The following PSD3 variants were observed in gnomAD, a reference collection of about 807,000 sequenced individuals.
The protein encoded by PSD3 is PH and SEC7 domain-containing protein 3.
In PSD3, 49 loss-of-function variants were observed where a neutral mutation model predicts 105.5. The ratio of observed to expected loss-of-function variants is 0.46; its 90% CI spans 0.37 to 0.59. The LOEUF is 0.59. Ranked by LOEUF, PSD3 falls within the 20% of genes least tolerant of loss-of-function variation. The pLI is 0.00. For synonymous variants in PSD3, 557 were observed against 457.8 expected, an observed-to-expected ratio of 1.22 and a Z score of -2.77; for missense variants, 1,561 against 1,263.8, an observed-to-expected ratio of 1.24 and a Z score of -3.57.
intron 1 of PSD3, among the ~76,000 whole-genome samples, chr8:19,076,716 G>A (rs569750464): frequency 6.6e-6 from 1 of 152,278 alleles, no homozygotes; most frequent in Non-Finnish European, 1.5e-5. Flanking sequence ...AGCAAAATTT[G>A]TTTTTTAAAG....
At position 18,575,237 on chromosome 8, in the gene PSD3, C is replaced by G; in HGVS notation, c.2530G>C (p.Ala844Pro). The G allele has an allele frequency of 1.2e-6, 2 of 1,613,188 alleles. No homozygotes were observed. Among genetic ancestry groups the G allele is most frequent in the Non-Finnish European group, 8.5e-7 (1 of 1,179,498 alleles). The change falls in exon 13 of 16, where the codon GCT becomes CCT. Residue 844 changes from alanine (A) to proline (P), a missense_variant. Transcript: ENST00000327040. ...GCCAATGCGTGGTGCACACTCACAG[C>G]GTTTTTCAAGTCCTCTTCAGACAAG... ...KALSEEDLKN[A>P]VSVHHALASK...
chr8:18,867,300 C>T (rs1377254417), intron 4 of PSD3, among the ~76,000 whole-genome samples: 1 of 152,220 alleles, frequency 6.6e-6, no homozygotes, highest in Non-Finnish European at 1.5e-5. Flanking sequence ...AAACAATCTT[C>T]TTGAAGTCTT....
intron 10 of PSD3, among the ~76,000 whole-genome samples, chr8:18,635,460 A>C (rs1281188687): frequency 1.3e-5 from 2 of 151,954 alleles, no homozygotes; most frequent in Admixed American, 1.3e-4. Context: ...TAATGCAGCC[A>C]AAAAAAATCC....
chr8:18,706,255 GTTCT>G (rs1232342375), intron 9 of PSD3, among the ~76,000 whole-genome samples: 2 of 152,166 alleles, frequency 1.3e-5, no homozygotes, highest in Non-Finnish European at 2.9e-5. Flanking sequence ...AGATTTTAGG[GTTCT>G]TTGTTACTCA....
chr8:18,587,013 T>C (rs532654161), intron 12 of PSD3, among the ~76,000 whole-genome samples: 1 of 152,306 alleles, frequency 6.6e-6, no homozygotes, highest in Non-Finnish European at 1.5e-5. Flanking sequence ...AGTGAGCTTT[T>C]GTCAAACTGA....
At chr8:18,696,175 C>G (rs1801248151) in intron 9 of PSD3, among the ~76,000 whole-genome samples, 1 of 152,224 alleles carries the variant, frequency 6.6e-6, no homozygotes, top group Non-Finnish European at 1.5e-5. Flanking sequence ...CAAGGATTCA[C>G]AGAGGCCTTT....
chr8:18,695,955 G>T (rs1034703797), intron 9 of PSD3, among the ~76,000 whole-genome samples: 10 of 152,218 alleles, frequency 6.6e-5, no homozygotes, highest in Non-Finnish European at 1.3e-4. Flanking sequence ...CGGGGGGAAT[G>T]CACATTCCTG....
At chr8:18,593,695 C>T (rs930899164) in intron 12 of PSD3, among the ~76,000 whole-genome samples, 16 of 151,956 alleles carry the variant, frequency 1.1e-4, no homozygotes, top group Non-Finnish European at 2.2e-4. Context: ...TGCAGCACTA[C>T]TCACAATAGC....
chr8:18,958,706 G>A (rs867424237), intron 1 of PSD3, among the ~76,000 whole-genome samples: 1 of 152,094 alleles, frequency 6.6e-6, no homozygotes, highest in African/African-American at 2.4e-5. Context: ...AACCCATATG[G>A]TTAGCAGAAT....
At chr8:18,800,585 T>C (rs1047624889) in intron 7 of PSD3, among the ~76,000 whole-genome samples, 1 of 152,202 alleles carries the variant, frequency 6.6e-6, no homozygotes, top group Non-Finnish European at 1.5e-5. Context: ...GTGTACTTTA[T>C]TGCAGGAACT....
upstream of PSD3, chr8:19,013,956 G>A (rs186152261): frequency 5.0e-3 from 759 of 153,308 alleles, 2 homozygotes; most frequent in Non-Finnish European, 8.6e-3. Context: ...GGCTGGAGGC[G>A]ATCCAGACCC....
At chr8:18,838,584 G>T (rs1291802080) in intron 4 of PSD3, among the ~76,000 whole-genome samples, 2 of 152,074 alleles carry the variant, frequency 1.3e-5, no homozygotes, top group East Asian at 3.9e-4. Flanking sequence ...GGCGGATCAT[G>T]AGGTCAGGAG....
At chr8:18,645,079 A>G (rs933608458) in intron 10 of PSD3, among the ~76,000 whole-genome samples, 2 of 152,054 alleles carry the variant, frequency 1.3e-5, no homozygotes, top group Admixed American at 1.3e-4. Flanking sequence ...ACGATAACTA[A>G]CCCACTCCCT....
intron 9 of PSD3, among the ~76,000 whole-genome samples, chr8:18,667,522 G>A (rs945313750): frequency 2.0e-5 from 3 of 152,164 alleles, no homozygotes; most frequent in South Asian, 2.1e-4. Flanking sequence ...AAACCCTGAG[G>A]TAGACACAGG....
intron 1 of PSD3, among the ~76,000 whole-genome samples, chr8:18,960,861 G>C (rs1035480108): frequency 1.3e-5 from 2 of 152,124 alleles, no homozygotes; most frequent in African/African-American, 4.8e-5. Flanking sequence ...CAAGGGGGCA[G>C]ATCACTTGAG....
At chr8:18,899,324 T>C (rs1819350847) in intron 2 of PSD3, among the ~76,000 whole-genome samples, 1 of 152,192 alleles carries the variant, frequency 6.6e-6, no homozygotes, top group Non-Finnish European at 1.5e-5. Context: ...ATTTTCTTGA[T>C]TGGCTCAAAT....
At chr8:18,638,996 C>T (rs1403647579) in intron 10 of PSD3, among the ~76,000 whole-genome samples, 2 of 152,148 alleles carry the variant, frequency 1.3e-5, no homozygotes, top group Non-Finnish European at 2.9e-5. Context: ...GACCACTGCC[C>T]TTCCGTGGCT....
chr8:18,980,035 T>C (rs1346481914), intron 1 of PSD3, among the ~76,000 whole-genome samples: 1 of 152,318 alleles, frequency 6.6e-6, no homozygotes, highest in South Asian at 2.1e-4. Flanking sequence ...TTAGCAGATA[T>C]TATGGAAAAC....
chr8:19,042,519 A>T (rs554465165), intron 1 of PSD3, among the ~76,000 whole-genome samples: 14 of 152,384 alleles, frequency 9.2e-5, no homozygotes, highest in African/African-American at 3.4e-4. Context: ...CTAGCAAAGT[A>T]GGGTTTTTGT....
Sources: allele counts gnomAD v4.1 joint callset (sites outside exome capture counted in the v4.1 genomes callset), GRCh38; gene constraint gnomAD v4.1.1; transcripts MANE v1.5; gene names NCBI Gene and HGNC (gene_info 2026-07-23, HGNC 2026-07-21).